TECTA: variants seen among roughly 807,000 people sequenced by gnomAD.
The protein encoded by TECTA is alpha-tectorin.
TECTA carries 128 observed loss-of-function variants against 216.8 expected under a neutral mutation model. The ratio of observed to expected loss-of-function variants is 0.59; its 90% confidence interval spans 0.51 to 0.68. The LOEUF (loss-of-function observed/expected upper bound fraction) is 0.68. TECTA is among the 30% of genes least tolerant of loss of function. The pLI is 0.00. For synonymous variants in TECTA, 1,089 were observed against 1,117.1 expected (o/e 0.97, Z 0.50); for missense variants, 2,551 against 2,786.2 (o/e 0.92, Z 1.90).
chr11:121,102,649 C>A lies in TECTA; in HGVS notation c.-1-16C>A. The A allele has an allele frequency of 6.2e-7, 1 of 1,607,212 alleles. No homozygotes were observed. On this transcript the variant is annotated splice_polypyrimidine_tract_variant and intron_variant, in intron 1 of 23. Coordinates refer to ENST00000392793, the MANE Select transcript of TECTA (RefSeq NM_005422.4). ...AAGCTGGGGATTTTTTTTTCATTTT[C>A]TTTTTAAAATTCCAGGATGAATTAT...
chr11:121,145,616 C>T lies in TECTA; in HGVS notation c.3605C>T (p.Ser1202Phe), dbSNP rs545479363. ...GGGCAAGGGAAGATAAATATCTTTTCCTTTGGCTTCCACGTGGTGGTGGAA... is the reference window on the plus strand; with the variant it reads ...GGGCAAGGGAAGATAAATATCTTTTTCTTTGGCTTCCACGTGGTGGTGGAA... ...KLGQGKINIF[S>F]FGFHVVVETD... The change falls in exon 12 of 24, where the codon TCC becomes TTC. Residue 1202 changes from serine (S) to phenylalanine (F), a missense_variant. By Grantham distance (155) the Ser-to-Phe change is radical (BLOSUM62 -2). Around this residue, in one of 3 missense-constraint regions of TECTA, gnomAD observed 2,375 missense variants for 2,563.9 expected, o/e 0.93. Transcript: ENST00000392793. 1.3e-5 allele frequency: 21 copies of T among 1,614,204 alleles called. No individual in the cohort carries two copies. The East Asian group carries it at 1.8e-4, about 14-fold the overall frequency.
Position 121,130,051 on chromosome 11 carries a change from T to C in TECTA, c.2781T>C (p.His927=), listed in dbSNP as rs142903119. ...CCAACAGCTCCTTCCTGGAGTGCCA[T>C]GGGGTGGTGAACGTCACTGCCTATT... is the stretch of plus-strand genomic sequence containing the variant. ...DPSNSSFLEC[H]GVVNVTAYYR... The change falls in exon 10 of 24, where the codon CAT becomes CAC. Residue 927 remains histidine (H), a synonymous_variant. Coordinates refer to ENST00000392793, the MANE Select transcript of TECTA (RefSeq NM_005422.4). 4.7e-3 allele frequency: 7,522 copies of C among 1,613,996 alleles called. 26 individuals carry two copies. Among genetic ancestry groups the C allele is most frequent in the Non-Finnish European group, 5.0e-3 (5,914 of 1,179,948 alleles).
At chr11:121,126,284 G>A (rs947809540) in intron 8 of TECTA, among the ~76,000 whole-genome samples, 1 of 152,182 alleles carries the variant, frequency 6.6e-6, no homozygotes, top group African/African-American at 2.4e-5. Flanking sequence ...GGAACCTGTA[G>A]CAATTGTTCC....
intron 20 of TECTA, among the ~76,000 whole-genome samples, chr11:121,179,221 T>A (rs1947200870): frequency 6.6e-6 from 1 of 152,172 alleles, no homozygotes; most frequent in African/African-American, 2.4e-5. Context: ...TGTTTTGGTA[T>A]GTTCTGTTTC....
At chr11:121,177,202 G>T (rs535180807) in intron 20 of TECTA, among the ~76,000 whole-genome samples, 1 of 152,234 alleles carries the variant, frequency 6.6e-6, no homozygotes, top group East Asian at 1.9e-4. Context: ...GTCCAGCTTT[G>T]TTCCGTTGCT....
intron 13 of TECTA, 85 bp from the exon 14 acceptor site, chr11:121,157,756 T>A: frequency 6.2e-7 from 1 of 1,601,506 alleles, no homozygotes; most frequent in Non-Finnish European, 8.5e-7. Context: ...TAGCCAAGCC[T>A]GATAAAAGAC....
intron 16 of TECTA, among the ~76,000 whole-genome samples, chr11:121,164,422 TTC>T (rs1478464687): frequency 6.6e-6 from 1 of 152,222 alleles, no homozygotes; most frequent in African/African-American, 2.4e-5. Context: ...AGGAGGAATA[TTC>T]TGTCTTGATA....
Position 121,141,168 on chromosome 11 carries a change from C to T in TECTA, c.3543+3146C>T, listed in dbSNP as rs544963234. The T allele has an allele frequency of 2.2e-4, 34 of 152,310 alleles. 1 individual carries two copies. In the South Asian group the frequency reaches 4.8e-3, roughly 21 times the overall value. The allele number at this position is 152,310 out of a possible 1,614,324, so 9.4% of individuals were successfully genotyped here. A position where few individuals can be genotyped will look rare whatever the true frequency, so the allele number is the denominator to read the frequency against. The stretch of plus-strand genomic sequence containing the variant: ...TGGAGGCTAGATTTAACAGTTACTT[C>T]GGATTATTAAAATGCATTGCAGGAT... On this transcript the variant is annotated intron_variant, in intron 11 of 23. Coordinates refer to ENST00000392793, the MANE Select transcript of TECTA (RefSeq NM_005422.4).
chr11:121,170,797 GTTGT>G (rs1183133411), intron 20 of TECTA, among the ~76,000 whole-genome samples: 1 of 152,002 alleles, frequency 6.6e-6, no homozygotes, highest in Non-Finnish European at 1.5e-5. Context: ...TTGCTGTTGA[GTTGT>G]TTGAGTTTCT....
intron 3 of TECTA, among the ~76,000 whole-genome samples, chr11:121,106,819 C>T (rs1227330656): frequency 6.6e-6 from 1 of 152,176 alleles, no homozygotes; most frequent in Non-Finnish European, 1.5e-5. Flanking sequence ...CATTACCTAA[C>T]GGTGGTCCCT....
At chr11:121,146,957 T>C (rs1243559537) in intron 12 of TECTA, among the ~76,000 whole-genome samples, 1 of 152,132 alleles carries the variant, frequency 6.6e-6, no homozygotes, top group East Asian at 1.9e-4. Context: ...ATAATCTGAG[T>C]GGCAAAGTCA....
intron 20 of TECTA, among the ~76,000 whole-genome samples, chr11:121,180,944 G>A (rs1947222144): frequency 6.6e-6 from 1 of 151,796 alleles, no homozygotes; most frequent in South Asian, 2.1e-4. Flanking sequence ...GAAGCGGGTG[G>A]ATCATGAGGT....
intron 8 of TECTA, among the ~76,000 whole-genome samples, chr11:121,126,516 C>A (rs1273825194): frequency 1.3e-5 from 2 of 152,212 alleles, no homozygotes; most frequent in African/African-American, 4.8e-5. Flanking sequence ...CTGTATCCCA[C>A]TTAAAATTTA....
At chr11:121,164,620 G>A (rs1432153001) in intron 16 of TECTA, among the ~76,000 whole-genome samples, 2 of 151,946 alleles carry the variant, frequency 1.3e-5, no homozygotes, top group South Asian at 2.1e-4. Flanking sequence ...TCCCCTTTTG[G>A]CAAAACATCA....
chr11:121,181,916 T>C (rs1947233846), intron 20 of TECTA, among the ~76,000 whole-genome samples: 1 of 152,254 alleles, frequency 6.6e-6, no homozygotes, highest in Admixed American at 6.5e-5. Context: ...TAGATGTATC[T>C]ATAGTGTTGG....
At chr11:121,168,632 G>T (rs767280642) in intron 19 of TECTA, 45 bp from the exon 20 acceptor site, 2 of 1,613,788 alleles carry the variant, frequency 1.2e-6, no homozygotes. Context: ...AATTGAATAG[G>T]TAACATTGTT....
chr11:121,174,877 C>G (rs140813403), intron 20 of TECTA, among the ~76,000 whole-genome samples: 1 of 152,148 alleles, frequency 6.6e-6, no homozygotes, highest in Non-Finnish European at 1.5e-5. Context: ...GAGCCTGTTA[C>G]TGATCTGTTC....
At position 121,173,281 on chromosome 11, in the gene TECTA, TG is replaced by T. The variant is rs552006367; in HGVS notation, c.5999+4358del. ...TCCTTGCCCATGCCTATGTCCTGAA[TG>T]GTAAAGCCTAGGTTTTCTTCTAGGG... On this transcript the variant is annotated intron_variant, in intron 20 of 23. Coordinates refer to ENST00000392793, the MANE Select transcript of TECTA (RefSeq NM_005422.4). 7.9e-3 allele frequency among the ~76,000 whole-genome samples: 1,190 copies of T among 151,146 alleles called. 15 individuals carry two copies. The highest frequency in any genetic ancestry group is 0.028 in the African/African-American group (1,144 of 41,300).
chr11:121,124,899 T>C (rs1946592557), intron 7 of TECTA, among the ~76,000 whole-genome samples: 1 of 152,198 alleles, frequency 6.6e-6, no homozygotes, highest in Non-Finnish European at 1.5e-5. Context: ...AAGGGGGTCC[T>C]GGAAAATGCA....
Sources: allele counts gnomAD v4.1 joint callset (sites outside exome capture counted in the v4.1 genomes callset), GRCh38; gene constraint gnomAD v4.1.1; regional missense constraint gnomAD v4.1.1; transcripts MANE v1.5; gene names NCBI Gene and HGNC (gene_info 2026-07-23, HGNC 2026-07-21).